APC: variants seen among roughly 807,000 people sequenced by gnomAD.
The protein encoded by APC is adenomatous polyposis coli protein.
APC carries 72 observed loss-of-function variants against 247.0 expected under a neutral mutation model. That is an observed-to-expected ratio of 0.29 (90% CI 0.24 to 0.35). The LOEUF (loss-of-function observed/expected upper bound fraction) is 0.35. APC is among the 10% of genes least tolerant of loss of function. The pLI is 1.00. For synonymous variants in APC, 1,254 were observed against 1,162.5 expected, an observed-to-expected ratio of 1.08 and a Z score of -1.60; for missense variants, 3,400 against 3,360.7, an observed-to-expected ratio of 1.01 and a Z score of -0.29.
At chr5:112,760,635 C>G (rs1755544177) in intron 2 of APC, among the ~76,000 whole-genome samples, 1 of 152,170 alleles carries the variant, frequency 6.6e-6, no homozygotes, top group South Asian at 2.1e-4. Flanking sequence ...TCAAACATGA[C>G]TGGTTTTCCA....
chr5:112,802,480 A>G (rs2149715911), intron 8 of APC, among the ~76,000 whole-genome samples: 1 of 152,202 alleles, frequency 6.6e-6, no homozygotes, highest in East Asian at 1.9e-4. Context: ...GACAGAAAAA[A>G]ATATTTACAT....
intron 1 of APC, among the ~76,000 whole-genome samples, chr5:112,746,439 A>ACT (rs1386488678): frequency 6.6e-6 from 1 of 152,132 alleles, no homozygotes; most frequent in African/African-American, 2.4e-5. Flanking sequence ...AAAATTTAAA[A>ACT]CTATACATTT....
At chr5:112,774,020 A>C (rs1757328945) in intron 4 of APC, among the ~76,000 whole-genome samples, 1 of 152,202 alleles carries the variant, frequency 6.6e-6, no homozygotes, top group African/African-American at 2.4e-5. Flanking sequence ...TAAGTTAAAA[A>C]TTTATATATT....
chr5:112,788,663 T>C (rs895385000), intron 6 of APC, among the ~76,000 whole-genome samples: 12 of 152,146 alleles, frequency 7.9e-5, no homozygotes, highest in African/African-American at 2.7e-4. Context: ...TAAGGTTTTG[T>C]CAAATTCTTC....
At chr5:112,747,819 T>C (rs985628411) in intron 1 of APC, among the ~76,000 whole-genome samples, 2 of 152,234 alleles carry the variant, frequency 1.3e-5, no homozygotes, top group African/African-American at 4.8e-5. Context: ...GGAAATTTAG[T>C]ATTTAAAAGT....
rs1580689982 is a variant in APC, at chr5:112,843,691, T to G, written c.8097T>G (p.Asp2699Glu). 6.2e-7 allele frequency: 1 copy of G among 1,613,918 alleles called. No individual in the cohort carries two copies. Among genetic ancestry groups the G allele is most frequent in the African/African-American group, 1.3e-5 (1 of 74,898 alleles). Residue 2699 changes from aspartate (D) to glutamate (E), a missense_variant, in exon 16 of 16, where the codon GAT becomes GAG. Asp to Glu is a conservative substitution (Grantham distance 45). This residue lies in a region of APC where 1,788 missense variants were observed against 1,649.5 expected (regional missense o/e 1.08). Coordinates refer to ENST00000257430, the MANE Select transcript of APC (RefSeq NM_000038.6). The surrounding 1 kb of genome is among the most constrained non-coding windows in gnomAD (Gnocchi z 4.8). The part of the protein sequence containing the change: ...KANPNIKDSK[D>E]NQAKQNVGNG... ...ATCCAAACATTAAAGATTCAAAAGA[T>G]AATCAGGCAAAACAAAATGTGGGTA... is the stretch of plus-strand genomic sequence containing the variant.
chr5:112,814,892 G>T lies in APC; in HGVS notation c.835-603G>T, dbSNP rs145229134. Among the ~76,000 whole-genome samples, 3 of 152,284 alleles carry T rather than the reference G, an allele frequency of 2.0e-5. No individual in the cohort carries two copies. The East Asian group carries it at 5.8e-4, about 29-fold the overall frequency. ...CTCCGTCAGTCTCCTGTCACAAAAT[G>T]CCTACCTTAAATGTTACTGATTTTA... On this transcript the variant is annotated intron_variant, in intron 8 of 15. Transcript: ENST00000257430.
At chr5:112,774,956 G>A (rs903526963) in intron 4 of APC, among the ~76,000 whole-genome samples, 1 of 152,166 alleles carries the variant, frequency 6.6e-6, no homozygotes, top group African/African-American at 2.4e-5. Context: ...AAAGAGCCAC[G>A]TGAAAAGAGA....
intron 1 of APC, among the ~76,000 whole-genome samples, chr5:112,744,663 G>A (rs1194062159): frequency 5.9e-5 from 9 of 152,030 alleles, no homozygotes; most frequent in African/African-American, 1.7e-4. Context: ...AAAAGGATGT[G>A]GTATTCAGAA....
intron 1 of APC, among the ~76,000 whole-genome samples, chr5:112,722,013 C>G (rs1751508558): frequency 6.6e-6 from 1 of 152,204 alleles, no homozygotes; most frequent in Admixed American, 6.5e-5. Flanking sequence ...TATCCTATTC[C>G]TATCTCCTGG....
upstream of APC, among the ~76,000 whole-genome samples, chr5:112,735,183 A>G (rs1752314438): frequency 6.6e-6 from 1 of 151,640 alleles, no homozygotes; most frequent in African/African-American, 2.4e-5. Flanking sequence ...ATCAGAAAAA[A>G]TATATATATC....
chr5:112,735,942 A>G (rs543517626), upstream of APC, among the ~76,000 whole-genome samples: 22 of 152,342 alleles, frequency 1.4e-4, no homozygotes, highest in South Asian at 2.9e-3. Context: ...GGTTTACTAA[A>G]TAATAGCTTG....
intron 5 of APC, among the ~76,000 whole-genome samples, chr5:112,776,806 A>G (rs1376582444): frequency 2.6e-5 from 4 of 151,980 alleles, no homozygotes; most frequent in South Asian, 4.1e-4. Flanking sequence ...ATGCCACTGC[A>G]CTCCATCCAG....
intron 6 of APC, among the ~76,000 whole-genome samples, chr5:112,790,833 TG>T (rs1361669878): frequency 3.3e-5 from 5 of 152,250 alleles, no homozygotes; most frequent in Non-Finnish European, 7.3e-5. Context: ...GGGTGATATT[TG>T]TTCCGAAATA....
At chr5:112,748,093 A>G (rs1398016356) in intron 1 of APC, among the ~76,000 whole-genome samples, 1 of 152,152 alleles carries the variant, frequency 6.6e-6, no homozygotes, top group East Asian at 1.9e-4. Flanking sequence ...CTTACAGAAA[A>G]TGCTTGCCAA....
intron 6 of APC, among the ~76,000 whole-genome samples, chr5:112,790,475 G>A (rs1426910043): frequency 2.6e-5 from 4 of 151,644 alleles, no homozygotes; most frequent in Non-Finnish European, 5.9e-5. Flanking sequence ...ACAGGCACGC[G>A]TCACCCATGC....
chr5:112,820,182 G>GACACACACACAC (rs111788809), intron 10 of APC, among the ~76,000 whole-genome samples: 3 of 143,314 alleles, frequency 2.1e-5, no homozygotes, highest in African/African-American at 7.6e-5. Flanking sequence ...GATAAGAACT[G>GACACACACACAC]ACACACACAC....
chr5:112,845,682 C>A lies in APC; in HGVS notation c.*1556C>A, dbSNP rs448475. 1 of 231,600 alleles carries A rather than the reference C, an allele frequency of 4.3e-6. No homozygotes were observed. 14.3% of individuals were successfully genotyped at this position (231,600 alleles called of 1,614,324 possible). A position where few individuals can be genotyped will look rare whatever the true frequency, so the allele number is the denominator to read the frequency against. On this transcript the variant is annotated 3_prime_UTR_variant, in exon 16 of 16. Coordinates refer to ENST00000257430, the MANE Select transcript of APC (RefSeq NM_000038.6). ...TTCTGGGGTACATGTTAAGTGTCCC[C>A]TTATACAGTGGAGGGAAGTCTTCCT...
chr5:112,809,764 G>A (rs924693573), intron 8 of APC, among the ~76,000 whole-genome samples: 1 of 152,228 alleles, frequency 6.6e-6, no homozygotes, highest in African/African-American at 2.4e-5. Context: ...CACTTTGGGA[G>A]GCCGAGATGG....
Sources: gnomAD v4.1 joint callset for allele counts (sites outside exome capture counted in the v4.1 genomes callset) on GRCh38, gnomAD v4.1.1 for gene constraint, gnomAD v4.1.1 regional missense constraint, Gnocchi (gnomAD v3.1) non-coding constraint, MANE v1.5 for transcripts, NCBI Gene and HGNC (gene_info 2026-07-23, HGNC 2026-07-21) for gene names.